The following FBN2 variants were observed in gnomAD, a reference collection of about 807,000 sequenced individuals.
FBN2 encodes the protein fibrillin-2.
Under a neutral mutation model 355.6 loss-of-function variants are expected in FBN2, and 105 were observed. The observed-to-expected ratio is 0.30, with a 90% CI of 0.25 to 0.35. The LOEUF is 0.35. Among genes scored for constraint, FBN2 ranks in the 10% least tolerant of loss-of-function variants. The pLI, the probability that FBN2 is intolerant of heterozygous loss-of-function variation, is 1.00. For synonymous variants in FBN2, 1,350 were observed against 1,301.2 expected, an observed-to-expected ratio of 1.04 and a Z score of -0.81; for missense variants, 3,280 against 3,758.7, an observed-to-expected ratio of 0.87 and a Z score of 3.33.
chr5:128,520,278 G>A (rs1394268353), intron 4 of FBN2, among the ~76,000 whole-genome samples: 1 of 152,114 alleles, frequency 6.6e-6, no homozygotes, highest in Admixed American at 6.5e-5. Context: ...AGAATCCTTG[G>A]AACCTAAGTA....
intron 5 of FBN2, among the ~76,000 whole-genome samples, chr5:128,489,391 A>T (rs1456220334): frequency 1.3e-5 from 2 of 152,112 alleles, no homozygotes; most frequent in African/African-American, 4.8e-5. Context: ...TCTTTATAGA[A>T]ATTATTTAGC....
At chr5:128,265,449 G>T (rs1765092087) in intron 62 of FBN2, among the ~76,000 whole-genome samples, 1 of 152,072 alleles carries the variant, frequency 6.6e-6, no homozygotes, top group African/African-American at 2.4e-5. Context: ...TGTATATCAT[G>T]ATTAAAATTT....
chr5:128,365,371 T>A (rs959417058), intron 17 of FBN2: 1 of 152,210 alleles, frequency 6.6e-6, no homozygotes, highest in Non-Finnish European at 1.5e-5. Flanking sequence ...AGAGGCTGGC[T>A]CTGCTGGAAA....
At chr5:128,286,626 T>G (rs1431829521) in intron 55 of FBN2, 92 bp downstream of exon 55, 3 of 1,452,228 alleles carry the variant, frequency 2.1e-6, no homozygotes, top group Non-Finnish European at 2.9e-6. Flanking sequence ...GAAAAAGAGT[T>G]GGCTTGCAGT....
chr5:128,514,762 G>C (rs1169716062), intron 5 of FBN2, among the ~76,000 whole-genome samples: 1 of 152,142 alleles, frequency 6.6e-6, no homozygotes, highest in East Asian at 1.9e-4. Flanking sequence ...TTAATCCTAA[G>C]TGTAGGAATT....
intron 11 of FBN2, among the ~76,000 whole-genome samples, chr5:128,381,824 A>G (rs1376247083): frequency 6.6e-6 from 1 of 152,024 alleles, no homozygotes; most frequent in African/African-American, 2.4e-5. Flanking sequence ...CCACTTATAT[A>G]GACTCTTTGA....
chr5:128,303,273 G>C (rs898072773), intron 45 of FBN2, among the ~76,000 whole-genome samples, 184 bp from the exon 46 acceptor site: 1 of 152,134 alleles, frequency 6.6e-6, no homozygotes, highest in African/African-American at 2.4e-5. Flanking sequence ...AATCAAAATT[G>C]TAAAATTCTA....
intron 11 of FBN2, among the ~76,000 whole-genome samples, chr5:128,384,039 C>A (rs937255565): frequency 1.3e-5 from 2 of 151,884 alleles, no homozygotes; most frequent in African/African-American, 2.4e-5. Flanking sequence ...AAAATAAGTG[C>A]CCATCAACTT....
chr5:128,380,190 A>G (rs193112396), intron 11 of FBN2, among the ~76,000 whole-genome samples: 5 of 152,278 alleles, frequency 3.3e-5, no homozygotes, highest in Non-Finnish European at 5.9e-5. Context: ...AGCCAAAGGA[A>G]CGAAGCAAAA....
Position 128,352,520 on chromosome 5 carries a change from T to C in FBN2, c.2675-1515A>G, listed in dbSNP as rs140194364. Among the ~76,000 whole-genome samples, 387 of 152,394 alleles carry C rather than the reference T, an allele frequency of 2.5e-3. 2 individuals are homozygous for C. The highest frequency in any genetic ancestry group is 8.8e-3 in the African/African-American group (365 of 41,596). ...GTTTTTCAAATGAACAAATAATAAA[T>C]GACTGTTAACTGATTTTGAAGCAGT... On this transcript the variant is annotated intron_variant, in intron 20 of 64. Transcript: ENST00000262464.
intron 10 of FBN2, 77 bp from the exon 11 acceptor site, chr5:128,392,232 T>C: frequency 7.9e-7 from 1 of 1,267,884 alleles, no homozygotes; most frequent in Non-Finnish European, 1.1e-6. Context: ...TTAAAGGACA[T>C]TTAATAGTAA....
intron 7 of FBN2, among the ~76,000 whole-genome samples, chr5:128,435,046 T>C (rs151279497): frequency 5.3e-5 from 8 of 152,256 alleles, no homozygotes; most frequent in Non-Finnish European, 1.0e-4. Flanking sequence ...AATTTAAACA[T>C]ACAATGGCAC....
intron 6 of FBN2, 105 bp downstream of exon 6, chr5:128,464,619 T>A: frequency 8.0e-7 from 1 of 1,248,614 alleles, no homozygotes; most frequent in Admixed American, 1.7e-5. Flanking sequence ...CTCTTGGAAA[T>A]CAGTATTCTG....
chr5:128,429,228 A>G lies in FBN2; in HGVS notation c.952+17253T>C, dbSNP rs1031199355. On this transcript the variant is annotated intron_variant, in intron 7 of 64. Transcript: ENST00000262464. The stretch of plus-strand genomic sequence containing the variant: ...AAAGATCCCCAATACCGTTCTCTTC[A>G]ATCTCCTTAAGGATTCTCTTTTTAC... Among the ~76,000 whole-genome samples the G allele has an allele frequency of 2.6e-5, 4 of 152,248 alleles. No homozygotes were observed. In the Middle Eastern group the frequency reaches 0.014, roughly 518 times the overall value.
intron 5 of FBN2, among the ~76,000 whole-genome samples, chr5:128,489,333 C>G (rs1755438925): frequency 6.6e-6 from 1 of 152,156 alleles, no homozygotes; most frequent in Admixed American, 6.6e-5. Context: ...TAAGAAGTAT[C>G]TGACAGCCCA....
At chr5:128,392,970 T>G (rs1752556691) in intron 10 of FBN2, among the ~76,000 whole-genome samples, 165 bp downstream of exon 10, 1 of 152,150 alleles carries the variant, frequency 6.6e-6, no homozygotes, top group African/African-American at 2.4e-5. Flanking sequence ...TATCAGACCT[T>G]GAAACACTTT....
intron 7 of FBN2, among the ~76,000 whole-genome samples, chr5:128,437,280 C>T (rs116158846): frequency 6.6e-6 from 1 of 152,216 alleles, no homozygotes; most frequent in African/African-American, 2.4e-5. Flanking sequence ...GGTATAGCTA[C>T]ATAATGGAAT....
chr5:128,401,293 T>G (rs1752792001), intron 8 of FBN2, among the ~76,000 whole-genome samples: 1 of 152,304 alleles, frequency 6.6e-6, no homozygotes, highest in East Asian at 1.9e-4. Flanking sequence ...AATGTAACAC[T>G]TAACAGTTTA....
chr5:128,516,374 C>CTT (rs35226456), intron 5 of FBN2, among the ~76,000 whole-genome samples: 16,171 of 145,318 alleles, frequency 0.11, 983 homozygotes, highest in African/African-American at 0.17. Flanking sequence ...CACAAGAACT[C>CTT]TTTTTTTTTT....
Sources: gnomAD v4.1 joint callset for allele counts (sites outside exome capture counted in the v4.1 genomes callset) on GRCh38, gnomAD v4.1.1 for gene constraint, MANE v1.5 for transcripts, NCBI Gene and HGNC (gene_info 2026-07-23, HGNC 2026-07-21) for gene names.